The following ESRRG variants were observed in gnomAD, a reference collection of about 807,000 sequenced individuals.
ESRRG encodes estrogen related receptor gamma.
ESRRG carries 13 observed loss-of-function variants against 44.0 expected under a neutral mutation model. The observed-to-expected ratio is 0.30, with a 90% CI of 0.19 to 0.47. ESRRG has a LOEUF of 0.47. Ranked by LOEUF, ESRRG falls within the 20% of genes least tolerant of loss-of-function variation. The pLI, the probability that ESRRG is intolerant of heterozygous loss-of-function variation, is 1.00. For missense variants in ESRRG, 395 were observed against 580.6 expected (o/e 0.68, Z 3.29); for synonymous variants, 215 against 214.6 (o/e 1.00, Z -0.02).
At chr1:216,629,973 A>G (rs1039666851) in intron 3 of ESRRG, among the ~76,000 whole-genome samples, 5 of 152,184 alleles carry the variant, frequency 3.3e-5, no homozygotes, top group Admixed American at 2.6e-4. Context: ...GGCCACATAT[A>G]CACAGTAATT....
rs80305739 is a variant in ESRRG, at chr1:216,545,075, C to T, written c.862+19144G>A. 4.0e-4 allele frequency among the ~76,000 whole-genome samples: 61 copies of T among 151,802 alleles called. No homozygotes were observed. In the East Asian group the frequency reaches 8.8e-3, roughly 22 times the overall value. On this transcript the variant is annotated intron_variant, in intron 5 of 6. Coordinates refer to ENST00000408911, the MANE Select transcript of ESRRG (RefSeq NM_001438.4). Reference sequence around the variant, plus strand: ...CCCATTTATTTTATTCATTTGGAGACGGGCTCGCTCTGTCACCCAGTCTGG... The same window carrying T: ...CCCATTTATTTTATTCATTTGGAGATGGGCTCGCTCTGTCACCCAGTCTGG...
chr1:217,085,750 A>T (rs1410974973), intron 1 of ESRRG, among the ~76,000 whole-genome samples: 1 of 151,850 alleles, frequency 6.6e-6, no homozygotes, highest in East Asian at 1.9e-4. Context: ...CAGCCTCCCA[A>T]AGTGCTGGGA....
At chr1:216,650,250 C>A (rs1175592608) in intron 3 of ESRRG, among the ~76,000 whole-genome samples, 1 of 152,124 alleles carries the variant, frequency 6.6e-6, no homozygotes, top group Non-Finnish European at 1.5e-5. Flanking sequence ...TCACAGGCCT[C>A]ACGAAGTAAA....
chr1:216,693,110 T>C (rs566278041), intron 1 of ESRRG, among the ~76,000 whole-genome samples: 13 of 152,368 alleles, frequency 8.5e-5, no homozygotes, highest in African/African-American at 2.6e-4. Context: ...GGCAACACTT[T>C]CTGCGCAACT....
At chr1:217,103,684 T>C (rs1333346561) in intron 1 of ESRRG, among the ~76,000 whole-genome samples, 1 of 151,640 alleles carries the variant, frequency 6.6e-6, no homozygotes, top group Admixed American at 6.6e-5. Flanking sequence ...AATTAATTAA[T>C]TAATTAAAAG....
At chr1:216,648,702 A>G (rs2068201259) in intron 3 of ESRRG, among the ~76,000 whole-genome samples, 2 of 152,206 alleles carry the variant, frequency 1.3e-5, no homozygotes, top group South Asian at 4.1e-4. Flanking sequence ...AAATTGGAGA[A>G]GTGTCTCCAT....
intron 1 of ESRRG, among the ~76,000 whole-genome samples, chr1:217,133,851 G>T (rs560649782): frequency 4.0e-4 from 61 of 152,038 alleles, no homozygotes; most frequent in African/African-American, 1.4e-3. Context: ...TTTACAGTTG[G>T]GGAATGGGGC....
intron 1 of ESRRG, among the ~76,000 whole-genome samples, chr1:216,716,342 G>T (rs1367376522): frequency 2.0e-5 from 3 of 151,936 alleles, no homozygotes; most frequent in Non-Finnish European, 1.5e-5. Flanking sequence ...CAAGCAAGCT[G>T]TTTTTTCATT....
chr1:216,783,796 C>G (rs536904381), intron 2 of ESRRG, among the ~76,000 whole-genome samples: 1 of 152,026 alleles, frequency 6.6e-6, no homozygotes, highest in Non-Finnish European at 1.5e-5. Flanking sequence ...CCTACTTAAG[C>G]TTTGTCCTGA....
chr1:217,026,908 CACACAGAGAGAG>C (rs1175297506), intron 1 of ESRRG, among the ~76,000 whole-genome samples: 8 of 90,764 alleles, frequency 8.8e-5, no homozygotes, highest in African/African-American at 3.3e-4. Context: ...CACACACACA[CACACAGAGAGAG>C]AGAGAGAGAG....
chr1:216,767,357 G>C (rs1281376918), intron 2 of ESRRG, among the ~76,000 whole-genome samples: 1 of 152,078 alleles, frequency 6.6e-6, no homozygotes, highest in African/African-American at 2.4e-5. Flanking sequence ...GAAAGAAAGA[G>C]GGGGGATTTT....
intron 2 of ESRRG, among the ~76,000 whole-genome samples, chr1:216,904,029 C>T (rs902575295): frequency 6.6e-6 from 1 of 152,122 alleles, no homozygotes; most frequent in South Asian, 2.1e-4. Context: ...AATTCAGTTT[C>T]CTCACCTGCA....
At chr1:216,920,026 T>C (rs2818749) in intron 2 of ESRRG, among the ~76,000 whole-genome samples, 2,394 of 152,264 alleles carry the variant, frequency 0.016, 65 homozygotes, top group African/African-American at 0.055. Flanking sequence ...ACATCAGAAA[T>C]GCACTGGGGA....
chr1:217,102,396 T>C (rs1185094849), intron 1 of ESRRG, among the ~76,000 whole-genome samples: 1 of 152,184 alleles, frequency 6.6e-6, no homozygotes, highest in African/African-American at 2.4e-5. Context: ...GTGTTATCAA[T>C]ACAACATATT....
chr1:216,931,365 T>A (rs1285046471), intron 2 of ESRRG, among the ~76,000 whole-genome samples: 2 of 152,164 alleles, frequency 1.3e-5, no homozygotes, highest in East Asian at 3.9e-4. Context: ...ATAAGAGAAA[T>A]TCAGGAAAAT....
At chr1:216,546,319 AC>A (rs1489320982) in intron 5 of ESRRG, among the ~76,000 whole-genome samples, 1 of 152,126 alleles carries the variant, frequency 6.6e-6, no homozygotes, top group East Asian at 1.9e-4. Context: ...GTTGAGAATA[AC>A]GGTATCAAAA....
intron 1 of ESRRG, among the ~76,000 whole-genome samples, chr1:216,709,695 A>T (rs1464121461): frequency 2.2e-5 from 2 of 92,812 alleles, no homozygotes; most frequent in Non-Finnish European, 4.3e-5. Context: ...GTGCTGATTT[A>T]AAAAAAAAAA....
intron 1 of ESRRG, chr1:216,701,375 G>A (rs575832704): frequency 3.3e-5 from 5 of 152,284 alleles, no homozygotes; most frequent in African/African-American, 1.2e-4. Flanking sequence ...CATTCTGTGA[G>A]ATCCTGTCAG....
At chr1:216,727,592 T>C (rs2087808389), upstream of ESRRG, among the ~76,000 whole-genome samples, 1 of 152,138 alleles carries the variant, frequency 6.6e-6, no homozygotes, top group South Asian at 2.1e-4. Flanking sequence ...CTTTACACTA[T>C]ATTACCACCA....
Sources: allele counts gnomAD v4.1 joint callset (sites outside exome capture counted in the v4.1 genomes callset), GRCh38; gene constraint gnomAD v4.1.1; transcripts MANE v1.5; gene names NCBI Gene and HGNC (gene_info 2026-07-23, HGNC 2026-07-21).